Variants in LRRC31 observed in about 807,000 individuals in gnomAD.
The protein encoded by LRRC31 is leucine-rich repeat-containing protein 31.
Under a neutral mutation model 46.7 loss-of-function variants are expected in LRRC31, and 35 were observed. That is an observed-to-expected ratio of 0.75 (90% CI 0.57 to 0.99). The LOEUF is 0.99. Ranked by LOEUF, LRRC31 falls within the 50% of genes least tolerant of loss-of-function variation. The probability of loss-of-function intolerance (pLI) is 0.00; values close to 1 mark genes in which losing one functional copy is unlikely to be tolerated. For missense variants in LRRC31, 613 were observed against 626.1 expected, an observed-to-expected ratio of 0.98 and a Z score of 0.22; for synonymous variants, 236 against 235.1, an observed-to-expected ratio of 1.00 and a Z score of -0.03.
At chr3:169,856,894 A>G in intron 3 of LRRC31, 22 bp from the exon 4 acceptor site, 1 of 1,591,178 alleles carries the variant, frequency 6.3e-7, no homozygotes, top group Non-Finnish European at 8.6e-7. Flanking sequence ...TGGCCCGAAA[A>G]TTCTGTTGGT....
intron 3 of LRRC31, among the ~76,000 whole-genome samples, chr3:169,857,409 C>CATATATATATATATATATATAT (rs1443485895): frequency 3.0e-5 from 2 of 65,980 alleles, no homozygotes; most frequent in African/African-American, 6.0e-5. Flanking sequence ...CACACATATA[C>CATATATATATATATATATATAT]ATATACATAT....
intron 3 of LRRC31, among the ~76,000 whole-genome samples, chr3:169,857,341 T>TACAC (rs1227486934): frequency 8.2e-5 from 9 of 110,116 alleles, no homozygotes; most frequent in African/African-American, 3.0e-4. Context: ...TATATATATA[T>TACAC]ATATACACAC....
chr3:169,865,465 T>C (rs933354424), intron 1 of LRRC31, among the ~76,000 whole-genome samples: 1 of 152,136 alleles, frequency 6.6e-6, no homozygotes. Flanking sequence ...AAGCTCTCGG[T>C]TCTTAGTGCT....
intron 5 of LRRC31, among the ~76,000 whole-genome samples, chr3:169,855,520 G>C (rs1780915308): frequency 6.6e-6 from 1 of 152,160 alleles, no homozygotes; most frequent in African/African-American, 2.4e-5. Flanking sequence ...TTGAGCATTG[G>C]AGTTTACATA....
At chr3:169,862,766 AT>A (rs1388777085) in intron 1 of LRRC31, among the ~76,000 whole-genome samples, 3 of 152,198 alleles carry the variant, frequency 2.0e-5, no homozygotes, top group East Asian at 1.9e-4. Flanking sequence ...TCTAAAAAAA[AT>A]AAATAAATAA....
At chr3:169,846,734 G>A (rs1331681408) in intron 8 of LRRC31, among the ~76,000 whole-genome samples, 3 of 152,088 alleles carry the variant, frequency 2.0e-5, no homozygotes, top group Non-Finnish European at 4.4e-5. Context: ...TTCCACCAAT[G>A]GAAGTGTGGA....
At chr3:169,855,660 C>A (rs886329575) in intron 5 of LRRC31, among the ~76,000 whole-genome samples, 1 of 152,166 alleles carries the variant, frequency 6.6e-6, no homozygotes, top group African/African-American at 2.4e-5. Context: ...TAACTGTGGA[C>A]GCCATCGAAG....
chr3:169,851,919 CACCCCAA>C, intron 6 of LRRC31, 133 bp from the exon 7 acceptor site: 1 of 768,590 alleles, frequency 1.3e-6, no homozygotes, highest in South Asian at 1.8e-5. Context: ...CTCCTTTATA[CACCCCAA>C]ACCAGCCTCT....
rs968603976 is a variant in LRRC31, at chr3:169,840,383, A to G, written c.1328-70T>C. 2.1e-5 allele frequency: 30 copies of G among 1,454,804 alleles called. No individual in the cohort carries two copies. The African/African-American group carries it at 4.1e-4, about 20-fold the overall frequency. The allele number at this position is 1,454,804 out of a possible 1,614,324, so 90.1% of individuals were successfully genotyped here. ...TCTGCCATGGCTATTCCCATTTCCC[A>G]TAACACTATCTCCAGGAATAGTAAT... On this transcript the variant is annotated intron_variant, in intron 8 of 8. Transcript: ENST00000316428.
chr3:169,868,333 T>C (rs1278899254), intron 1 of LRRC31, among the ~76,000 whole-genome samples: 1 of 151,546 alleles, frequency 6.6e-6, no homozygotes, highest in Non-Finnish European at 1.5e-5. Context: ...GCTTTATTCA[T>C]TCATTCAGCA....
intron 1 of LRRC31, among the ~76,000 whole-genome samples, chr3:169,867,046 TG>T (rs57665977): frequency 0.15 from 19,100 of 126,944 alleles, 3,793 homozygotes; most frequent in African/African-American, 0.41. Flanking sequence ...GGGTTTTTTT[TG>T]TTTGTTTGTT....
intron 4 of LRRC31, 58 bp downstream of exon 4, chr3:169,856,647 T>A: frequency 6.7e-7 from 1 of 1,489,966 alleles, no homozygotes; most frequent in South Asian, 1.4e-5. Context: ...ACAGCAAACT[T>A]CCCAAGCTAT....
chr3:169,865,976 G>A (rs1335436176), intron 1 of LRRC31, among the ~76,000 whole-genome samples: 5 of 152,158 alleles, frequency 3.3e-5, no homozygotes, highest in East Asian at 1.9e-4. Context: ...AGGGCCACAC[G>A]TAGAGGATGA....
At position 169,851,654 on chromosome 3, in the gene LRRC31, T is replaced by G; in HGVS notation, c.1124A>C (p.Asn375Thr). The change falls in exon 7 of 9, where the codon AAC (asparagine) becomes ACC (threonine). Residue 375 changes from asparagine to threonine, a missense_variant. Transcript: ENST00000316428. ...AAAAGTCTCACTCTCCAAAGCACAG[T>G]TGTTGATAACTAATGACTTCAATGC... ...LPALKSLVIN[N>T]CALESETFTA... The G allele has an allele frequency of 6.2e-7, 1 of 1,614,192 alleles. No homozygotes were observed. The highest frequency in any genetic ancestry group is 8.5e-7 in the Non-Finnish European group (1 of 1,180,030).
intron 3 of LRRC31, among the ~76,000 whole-genome samples, chr3:169,857,446 A>C (rs1425162479): frequency 7.5e-5 from 11 of 147,014 alleles, no homozygotes; most frequent in Admixed American, 2.1e-4. Context: ...TATCACATGC[A>C]ACCTGAACTG....
Position 169,860,574 on chromosome 3 carries a change from A to T in LRRC31, c.474T>A (p.Asp158Glu). Residue 158 changes from aspartate to glutamate, a missense_variant, in exon 3 of 9, where the codon GAT becomes GAA. Transcript: ENST00000316428. ...CATTCATCATACCCAGTGCTTGAACATCGTCAGTGGTGAGTCTGCAGCTAC... is the reference window on the plus strand; with the variant it reads ...CATTCATCATACCCAGTGCTTGAACTTCGTCAGTGGTGAGTCTGCAGCTAC... ...RLGSCRLTTDDVQALGEAFEM... is the reference protein window; with the variant it reads ...RLGSCRLTTDEVQALGEAFEM... The T allele has an allele frequency of 6.2e-7, 1 of 1,614,086 alleles. No homozygotes were observed. Among genetic ancestry groups the T allele is most frequent in the African/African-American group, 1.3e-5 (1 of 75,042 alleles).
intron 8 of LRRC31, 52 bp from the exon 9 acceptor site, chr3:169,840,365 T>C (rs778442622): frequency 2.2e-5 from 34 of 1,564,850 alleles, no homozygotes; most frequent in Non-Finnish European, 2.9e-5. Context: ...CTGTCTGCCA[T>C]GGCTATTCCC....
rs1781432029 is a variant in LRRC31, at chr3:169,869,685, T to C, written c.123A>G (p.Thr41=). The change falls in exon 1 of 9, where the codon ACA becomes ACG. Residue 41 remains threonine (T), a synonymous_variant. Coordinates refer to ENST00000316428, the MANE Select transcript of LRRC31 (RefSeq NM_024727.4). ...ESRKEDNDLK[T]SDSQPSDWIQ... ...TCCAGTCGCTGGGTTGGGAATCACT[T>C]GTTTTAAGGTCATTGTCCTCTTTTC... is the stretch of plus-strand genomic sequence containing the variant. 2 of 1,611,262 alleles carry C rather than the reference T, an allele frequency of 1.2e-6. 1 individual carries two copies. Among genetic ancestry groups the C allele is most frequent in the Non-Finnish European group, 1.7e-6 (2 of 1,179,012 alleles).
At chr3:169,846,383 C>T (rs1288160576) in intron 8 of LRRC31, among the ~76,000 whole-genome samples, 1 of 152,234 alleles carries the variant, frequency 6.6e-6, no homozygotes, top group East Asian at 1.9e-4. Flanking sequence ...GGCACGGTGG[C>T]TCACGCCTGT....
Sources: allele counts gnomAD v4.1 joint callset (sites outside exome capture counted in the v4.1 genomes callset), GRCh38; gene constraint gnomAD v4.1.1; transcripts MANE v1.5; gene names NCBI Gene and HGNC (gene_info 2026-07-23, HGNC 2026-07-21).